The following SUPT3H variants were observed in gnomAD, a reference collection of about 807,000 sequenced individuals.
SUPT3H encodes the protein SPT3 homolog, SAGA and STAGA complex component, also known as transcription initiation protein SPT3 homolog.
SUPT3H carries 44 observed loss-of-function variants against 44.3 expected under a neutral mutation model. That is an observed-to-expected ratio of 0.99 (90% CI 0.78 to 1.28). The LOEUF (loss-of-function observed/expected upper bound fraction) is 1.28. Ranked by LOEUF, SUPT3H falls within the 50% of genes most tolerant of loss-of-function variation. The pLI is 0.00. For missense variants in SUPT3H, 380 were observed against 387.1 expected (o/e 0.98, Z 0.15); for synonymous variants, 124 against 125.6 (o/e 0.99, Z 0.09).
chr6:45,129,106 T>C (rs989595138), intron 2 of SUPT3H, among the ~76,000 whole-genome samples: 1 of 152,230 alleles, frequency 6.6e-6, no homozygotes. Context: ...CATAAATAAC[T>C]TGAATGTGGT....
At chr6:44,862,232 C>T (rs1329885029) in intron 10 of SUPT3H, among the ~76,000 whole-genome samples, 1 of 151,954 alleles carries the variant, frequency 6.6e-6, no homozygotes, top group African/African-American at 2.4e-5. Context: ...TTGCCCCCTT[C>T]TCTGCTTGGC....
chr6:45,142,527 A>G (rs940130981), intron 2 of SUPT3H, among the ~76,000 whole-genome samples: 6 of 151,946 alleles, frequency 3.9e-5, no homozygotes, highest in Admixed American at 1.3e-4. Flanking sequence ...ACCTGAGGTC[A>G]GGAGTTTGAG....
intron 3 of SUPT3H, among the ~76,000 whole-genome samples, chr6:45,094,618 A>C (rs558137102): frequency 6.6e-6 from 1 of 152,280 alleles, no homozygotes; most frequent in African/African-American, 2.4e-5. Flanking sequence ...AATGTAGCAT[A>C]AGAGGCATTC....
At chr6:45,078,765 CA>C (rs1440580660) in intron 3 of SUPT3H, among the ~76,000 whole-genome samples, 1 of 152,138 alleles carries the variant, frequency 6.6e-6, no homozygotes, top group Non-Finnish European at 1.5e-5. Context: ...TTGAATACAA[CA>C]CCTCATTCTC....
intron 6 of SUPT3H, among the ~76,000 whole-genome samples, chr6:44,983,374 A>G (rs1000681074): frequency 3.3e-5 from 5 of 152,200 alleles, no homozygotes; most frequent in African/African-American, 1.2e-4. Context: ...ACATTTTAAG[A>G]AAGTGAAAGT....
intron 2 of SUPT3H, among the ~76,000 whole-genome samples, chr6:45,157,615 C>T (rs1808050867): frequency 6.6e-6 from 1 of 151,924 alleles, no homozygotes; most frequent in African/African-American, 2.4e-5. Flanking sequence ...GTGGCACTAT[C>T]TCAGCTCACT....
chr6:45,314,161 C>T (rs1389745883), intron 2 of SUPT3H, among the ~76,000 whole-genome samples: 1 of 152,142 alleles, frequency 6.6e-6, no homozygotes, highest in Non-Finnish European at 1.5e-5. Context: ...TAAAAGCCAT[C>T]TATGACAAAA....
intron 2 of SUPT3H, among the ~76,000 whole-genome samples, chr6:45,296,364 T>C (rs1375766473): frequency 6.6e-6 from 1 of 151,872 alleles, no homozygotes; most frequent in Non-Finnish European, 1.5e-5. Context: ...AGCTAAGCTA[T>C]GAGAATGCAA....
chr6:44,854,673 T>C (rs1435800836), intron 10 of SUPT3H, among the ~76,000 whole-genome samples: 1 of 152,312 alleles, frequency 6.6e-6, no homozygotes, highest in East Asian at 1.9e-4. Context: ...TACGCCCTTA[T>C]GAACCATCTC....
intron 2 of SUPT3H, among the ~76,000 whole-genome samples, chr6:45,144,954 T>C (rs900439555): frequency 3.9e-5 from 6 of 151,990 alleles, no homozygotes; most frequent in African/African-American, 1.4e-4. Flanking sequence ...CTTAGGAATA[T>C]ACCTAACCAA....
chr6:45,231,134 G>A (rs187318874), intron 2 of SUPT3H, among the ~76,000 whole-genome samples: 225 of 152,210 alleles, frequency 1.5e-3, no homozygotes, highest in African/African-American at 5.2e-3. Context: ...ATTTTCTGTG[G>A]TGATACCATT....
intron 6 of SUPT3H, among the ~76,000 whole-genome samples, chr6:44,984,829 C>T (rs568132174): frequency 1.5e-4 from 23 of 152,138 alleles, no homozygotes; most frequent in African/African-American, 5.1e-4. Flanking sequence ...TACATAAAGG[C>T]CAAAAGATCA....
chr6:44,905,362 TAC>T, intron 10 of SUPT3H, among the ~76,000 whole-genome samples: 1 of 152,040 alleles, frequency 6.6e-6, no homozygotes, highest in East Asian at 1.9e-4. Context: ...GGGCAAAGGA[TAC>T]GAACAGACAC....
chr6:44,994,704 A>AT lies in SUPT3H; in HGVS notation c.504+8948dup, dbSNP rs137985349. ...CTCTCCACCTGGACCTAAAACTTCT[A>AT]TAGTCATTTGTGCTCCTATGTGAGA... On this transcript the variant is annotated intron_variant, in intron 6 of 10. Transcript: ENST00000371459. Among the ~76,000 whole-genome samples, 611 of 152,262 alleles carry AT rather than the reference A, an allele frequency of 4.0e-3. 7 individuals are homozygous for AT. The highest frequency in any genetic ancestry group is 0.014 in the African/African-American group (589 of 41,568).
intron 2 of SUPT3H, among the ~76,000 whole-genome samples, chr6:45,230,523 ACTT>A (rs1410853123): frequency 1.4e-5 from 2 of 147,516 alleles, no homozygotes; most frequent in East Asian, 2.0e-4. Flanking sequence ...AAGTATATCT[ACTT>A]CTGCTCACTT....
chr6:45,163,572 G>T (rs1019693989), intron 2 of SUPT3H, among the ~76,000 whole-genome samples: 2 of 152,152 alleles, frequency 1.3e-5, no homozygotes, highest in African/African-American at 4.8e-5. Context: ...GCTTAAATAT[G>T]TAGGTAGTTA....
intron 2 of SUPT3H, among the ~76,000 whole-genome samples, chr6:45,281,238 GT>G (rs1051462482): frequency 1.3e-5 from 2 of 152,234 alleles, no homozygotes; most frequent in Admixed American, 1.3e-4. Flanking sequence ...CTGTCAGACA[GT>G]GGGGACAGGA....
chr6:45,245,518 A>G (rs930767360), intron 2 of SUPT3H, among the ~76,000 whole-genome samples: 4 of 152,154 alleles, frequency 2.6e-5, no homozygotes, highest in Non-Finnish European at 5.9e-5. Flanking sequence ...GGTACCTCAT[A>G]TAAGTGGAAT....
At chr6:44,814,123 A>T (rs1406173025) in intron 11 of SUPT3H, among the ~76,000 whole-genome samples, 1 of 152,228 alleles carries the variant, frequency 6.6e-6, no homozygotes, top group Non-Finnish European at 1.5e-5. Context: ...GGGCAACAAC[A>T]GGCTGACAAC....
Sources: gnomAD v4.1 joint callset for allele counts (sites outside exome capture counted in the v4.1 genomes callset) on GRCh38, gnomAD v4.1.1 for gene constraint, MANE v1.5 for transcripts, NCBI Gene and HGNC (gene_info 2026-07-23, HGNC 2026-07-21) for gene names.